The following THSD7B variants were observed in gnomAD, a reference collection of about 807,000 sequenced individuals.
The protein encoded by THSD7B is thrombospondin type-1 domain-containing protein 7B.
In THSD7B, 138 loss-of-function variants were observed where a neutral mutation model predicts 213.6. The observed-to-expected ratio is 0.65, with a 90% CI of 0.56 to 0.74. The LOEUF (loss-of-function observed/expected upper bound fraction) is 0.74, where lower values mean the gene tolerates loss of function less well. THSD7B is among the 30% of genes least tolerant of loss of function. The pLI, the probability that THSD7B is intolerant of heterozygous loss-of-function variation, is 0.00. For missense variants in THSD7B, 1,931 were observed against 1,991.5 expected, an observed-to-expected ratio of 0.97 and a Z score of 0.58; for synonymous variants, 742 against 687.0, an observed-to-expected ratio of 1.08 and a Z score of -1.25.
chr2:137,002,522 G>A (rs1296550335), intron 2 of THSD7B, among the ~76,000 whole-genome samples: 4 of 152,128 alleles, frequency 2.6e-5, no homozygotes, highest in South Asian at 2.1e-4. Flanking sequence ...CTTCCTTCAT[G>A]TAAGAGGCTC....
chr2:137,450,921 C>T lies in THSD7B; in HGVS notation c.3036C>T (p.Cys1012=). 3 of 1,613,496 alleles carry T rather than the reference C, an allele frequency of 1.9e-6. No homozygotes were observed. Among genetic ancestry groups the T allele is most frequent in the Non-Finnish European group, 2.5e-6 (3 of 1,179,630 alleles). The change falls in exon 15 of 28, where the codon TGC becomes TGT. Residue 1012 remains cysteine, a synonymous_variant. Transcript: ENST00000409968. ...GCGATTGGTCTAGTTGGGGGTCTTG[C>T]AGTTCATCTTGTGGAATTGGAGTGA... ...KLSDWSSWGS[C]SSSCGIGVRI... is the part of the protein sequence containing the mutation.
At chr2:137,506,278 GC>G (rs1301812331) in intron 15 of THSD7B, among the ~76,000 whole-genome samples, 4 of 152,172 alleles carry the variant, frequency 2.6e-5, no homozygotes, top group African/African-American at 4.8e-5. Flanking sequence ...GCCACAAAAA[GC>G]CCTCAGATGC....
chr2:136,954,950 A>G (rs2105076899), intron 2 of THSD7B, among the ~76,000 whole-genome samples: 1 of 152,034 alleles, frequency 6.6e-6, no homozygotes, highest in Admixed American at 6.6e-5. Flanking sequence ...TTCTTTGTGT[A>G]TTTCAACAGG....
chr2:136,956,943 G>A (rs1685136567), intron 2 of THSD7B, among the ~76,000 whole-genome samples: 1 of 152,108 alleles, frequency 6.6e-6, no homozygotes. Context: ...CTCCCAAAGT[G>A]CTGGTATTAC....
intron 12 of THSD7B, among the ~76,000 whole-genome samples, chr2:137,395,805 G>C (rs990054944): frequency 6.6e-6 from 1 of 150,382 alleles, no homozygotes; most frequent in Non-Finnish European, 1.5e-5. Flanking sequence ...GACTCTTTTT[G>C]GTTGGTAAAC....
chr2:137,515,228 G>A (rs10185236), intron 15 of THSD7B, among the ~76,000 whole-genome samples: 89,401 of 151,946 alleles, frequency 0.59, 27,427 homozygotes, highest in African/African-American at 0.77. Context: ...GTAAACTCTG[G>A]TTAACTTTTT....
chr2:137,411,936 A>C, intron 14 of THSD7B, 64 bp downstream of exon 14: 32 of 1,564,708 alleles, frequency 2.0e-5, no homozygotes, highest in Non-Finnish European at 2.4e-5. Context: ...GGTTTGTCTC[A>C]GGTCTAGAAT....
intron 2 of THSD7B, among the ~76,000 whole-genome samples, chr2:136,891,613 T>A (rs925374422): frequency 6.6e-6 from 1 of 152,254 alleles, no homozygotes. Context: ...CCGCTCCCTG[T>A]GTCCATTCAG....
At chr2:137,299,073 G>A (rs1023504132) in intron 12 of THSD7B, among the ~76,000 whole-genome samples, 1 of 152,128 alleles carries the variant, frequency 6.6e-6, no homozygotes, top group African/African-American at 2.4e-5. Context: ...AAGGGAGGCT[G>A]TACCCTGCAA....
intron 17 of THSD7B, among the ~76,000 whole-genome samples, chr2:137,594,062 TATA>T (rs1316956766): frequency 6.6e-6 from 1 of 151,792 alleles, no homozygotes; most frequent in Non-Finnish European, 1.5e-5. Flanking sequence ...ACCAATAAGG[TATA>T]GAGGGGAAGC....
At chr2:137,055,904 C>G (rs1053681245) in intron 2 of THSD7B, among the ~76,000 whole-genome samples, 1 of 152,174 alleles carries the variant, frequency 6.6e-6, no homozygotes, top group African/African-American at 2.4e-5. Context: ...TTAAACATAT[C>G]TCTCTTCTGA....
chr2:137,423,308 A>G (rs1686968538), intron 14 of THSD7B, among the ~76,000 whole-genome samples: 1 of 152,120 alleles, frequency 6.6e-6, no homozygotes, highest in African/African-American at 2.4e-5. Flanking sequence ...GGCAATAAAA[A>G]TAAATAAAAG....
At chr2:136,896,649 G>A (rs1264172945) in intron 2 of THSD7B, among the ~76,000 whole-genome samples, 1 of 151,962 alleles carries the variant, frequency 6.6e-6, no homozygotes, top group Admixed American at 6.6e-5. Flanking sequence ...TTTCTCCTAT[G>A]TCGTCTTCTA....
At chr2:137,554,004 C>T (rs1452945336) in intron 15 of THSD7B, among the ~76,000 whole-genome samples, 2 of 143,848 alleles carry the variant, frequency 1.4e-5, no homozygotes, top group Non-Finnish European at 3.0e-5. Context: ...AGACATTTTT[C>T]ACGATTCTTA....
At chr2:137,453,975 T>A (rs1687708626) in intron 15 of THSD7B, among the ~76,000 whole-genome samples, 1 of 152,280 alleles carries the variant, frequency 6.6e-6, no homozygotes, top group Non-Finnish European at 1.5e-5. Flanking sequence ...TATCCCATTG[T>A]GTATCTATAT....
At chr2:136,847,063 A>G (rs1175191139) in intron 1 of THSD7B, among the ~76,000 whole-genome samples, 1 of 152,156 alleles carries the variant, frequency 6.6e-6, no homozygotes, top group Non-Finnish European at 1.5e-5. Flanking sequence ...GCTGAATTAA[A>G]GGTGGGAATG....
intron 17 of THSD7B, among the ~76,000 whole-genome samples, chr2:137,577,934 GAA>G (rs1681497531): frequency 6.6e-6 from 1 of 152,194 alleles, no homozygotes; most frequent in Non-Finnish European, 1.5e-5. Flanking sequence ...ATTGGAGAGA[GAA>G]GAGAATTTTC....
At chr2:136,897,187 A>G (rs574848) in intron 2 of THSD7B, among the ~76,000 whole-genome samples, 150,592 of 152,256 alleles carry the variant, frequency 0.99, 74,496 homozygotes, top group East Asian at 1. Context: ...AGAAAGAATC[A>G]TTCTCTTAAT....
intron 27 of THSD7B, among the ~76,000 whole-genome samples, chr2:137,668,380 A>G (rs1683490927): frequency 6.6e-6 from 1 of 152,102 alleles, no homozygotes; most frequent in Admixed American, 6.5e-5. Context: ...CACATTTTAA[A>G]TAGTAGAGCA....
Sources: gnomAD v4.1 joint callset for allele counts (sites outside exome capture counted in the v4.1 genomes callset) on GRCh38, gnomAD v4.1.1 for gene constraint, MANE v1.5 for transcripts, NCBI Gene and HGNC (gene_info 2026-07-23, HGNC 2026-07-21) for gene names.